SP110: variants seen among roughly 807,000 people sequenced by gnomAD.
SP110 encodes interferon-induced protein 41, 30kD.
Under a neutral mutation model 92.7 loss-of-function variants are expected in SP110, and 62 were observed. The observed-to-expected ratio is 0.67, with a 90% confidence interval of 0.55 to 0.83. The LOEUF (loss-of-function observed/expected upper bound fraction) is 0.83. Among genes scored for constraint, SP110 ranks in the 40% least tolerant of loss-of-function variants. SP110 has a pLI of 0.00. For synonymous variants in SP110, 273 were observed against 305.3 expected, an observed-to-expected ratio of 0.89 and a Z score of 1.10; for missense variants, 793 against 863.9, an observed-to-expected ratio of 0.92 and a Z score of 1.03.
intron 18 of SP110, 47 bp downstream of exon 18, chr2:230,170,574 G>C: frequency 6.2e-7 from 1 of 1,610,364 alleles, no homozygotes; most frequent in Middle Eastern, 1.7e-4. Flanking sequence ...CCAGAAATTA[G>C]GGGAAAGTAG....
chr2:230,189,006 G>C (rs10177277), intron 10 of SP110, among the ~76,000 whole-genome samples: 116,558 of 151,994 alleles, frequency 0.77, 44,793 homozygotes, highest in Admixed American at 0.83. Flanking sequence ...GGTGTTCATA[G>C]TAGTCCTGAA....
chr2:230,220,411 C>A (rs1307270959), upstream of SP110, among the ~76,000 whole-genome samples: 2 of 151,986 alleles, frequency 1.3e-5, no homozygotes, highest in Non-Finnish European at 2.9e-5. Flanking sequence ...TCTAACAACA[C>A]ACAAAAAAAC....
intron 11 of SP110, 85 bp from the exon 12 acceptor site, chr2:230,183,725 T>C (rs1242043645): frequency 3.2e-6 from 3 of 932,450 alleles, no homozygotes; most frequent in South Asian, 2.6e-5. Context: ...CATTTTTTCC[T>C]GTTTTTCTAC....
rs1423064794 is a variant in SP110 at position 230,165,892 on chromosome 2, T to C, written c.*3232A>G. ...TATGACAGAAATAAGACCACCTATA[T>C]AACTTTTTTTTTTTTTTTTGAAACA... On this transcript the variant is annotated 3_prime_UTR_variant, in exon 19 of 19. Coordinates refer to ENST00000258381, the MANE Select transcript of SP110 (RefSeq NM_080424.4). Among the ~76,000 whole-genome samples the C allele has an allele frequency of 1.8e-5, 2 of 110,862 alleles. No homozygotes were observed. Among genetic ancestry groups the C allele is most frequent in the Non-Finnish European group, 3.7e-5 (2 of 53,616 alleles). The allele number at this position is 110,862 out of a possible 152,430, so 72.7% of individuals were successfully genotyped here.
At chr2:230,170,867 T>A in intron 17 of SP110, 106 bp from the exon 18 acceptor site, 1 of 1,187,318 alleles carries the variant, frequency 8.4e-7, no homozygotes, top group South Asian at 1.3e-5. Flanking sequence ...ATAATGATAA[T>A]ACCATTTGAC....
At chr2:230,177,434 T>C (rs2041915628) in intron 14 of SP110, 104 bp downstream of exon 14, 11 of 1,198,952 alleles carry the variant, frequency 9.2e-6, no homozygotes, top group Non-Finnish European at 1.2e-5. Flanking sequence ...TTATAAATCA[T>C]GCTGTTGAAT....
At chr2:230,210,564 A>G (rs1292454301) in intron 6 of SP110, among the ~76,000 whole-genome samples, 1 of 152,244 alleles carries the variant, frequency 6.6e-6, no homozygotes, top group African/African-American at 2.4e-5. Context: ...AATGCCTTAT[A>G]TATTTCTGTA....
At chr2:230,187,157 A>G (rs746456791) in intron 10 of SP110, among the ~76,000 whole-genome samples, 4 of 152,136 alleles carry the variant, frequency 2.6e-5, no homozygotes, top group Non-Finnish European at 5.9e-5. Context: ...CGTCCATGTT[A>G]ACATCTATTT....
At chr2:230,171,494 C>T in intron 17 of SP110, 1 of 614,308 alleles carries the variant, frequency 1.6e-6, no homozygotes, top group Non-Finnish European at 2.9e-6. Flanking sequence ...ATCCCAGAGC[C>T]CGTGAGCAGT....
intron 11 of SP110, among the ~76,000 whole-genome samples, chr2:230,184,098 G>A (rs573898392): frequency 3.9e-5 from 6 of 152,302 alleles, no homozygotes; most frequent in East Asian, 3.9e-4. Context: ...GGGATGATTC[G>A]CATCCCCGAG....
At position 230,168,853 on chromosome 2, in the gene SP110, C is replaced by T. The variant is rs41309120; in HGVS notation, c.*271G>A. 440 of 364,766 alleles carry T rather than the reference C, an allele frequency of 1.2e-3. No homozygotes were observed. The highest frequency in any genetic ancestry group is 1.9e-3 in the Non-Finnish European group (369 of 193,796). 22.6% of individuals were successfully genotyped at this position (364,766 alleles called of 1,614,324 possible). Reference sequence around the variant, plus strand: ...TTTGAACAAATCAACTCTAAAAAGACTTATGAGACAGTGGGGAGAATGTGA... The same window carrying T: ...TTTGAACAAATCAACTCTAAAAAGATTTATGAGACAGTGGGGAGAATGTGA... On this transcript the variant is annotated 3_prime_UTR_variant, in exon 19 of 19. Transcript: ENST00000258381.
chr2:230,207,915 A>G, intron 8 of SP110, 76 bp downstream of exon 8: 1 of 743,120 alleles, frequency 1.3e-6, no homozygotes, highest in Non-Finnish European at 2.4e-6. Flanking sequence ...ATAAAATTCA[A>G]CCCTCCACAG....
upstream of SP110, chr2:230,221,649 G>T: frequency 1.3e-6 from 2 of 1,481,494 alleles, no homozygotes; most frequent in South Asian, 2.4e-5. Context: ...TGATGCAGGG[G>T]ATGGCGGTGG....
chr2:230,169,286 G>T, intron 18 of SP110, 49 bp from the exon 19 acceptor site: 2 of 1,043,656 alleles, frequency 1.9e-6, no homozygotes, highest in Non-Finnish European at 3.0e-6. Flanking sequence ...AAGGATTACA[G>T]CCATCAAATC....
chr2:230,170,198 G>T (rs1373918602), intron 18 of SP110, among the ~76,000 whole-genome samples: 1 of 152,170 alleles, frequency 6.6e-6, no homozygotes, highest in Non-Finnish European at 1.5e-5. Flanking sequence ...AGAAATTTAT[G>T]TGTAAAAATA....
intron 10 of SP110, among the ~76,000 whole-genome samples, chr2:230,188,992 T>C (rs1210718641): frequency 6.6e-6 from 1 of 152,186 alleles, no homozygotes; most frequent in Non-Finnish European, 1.5e-5. Flanking sequence ...TTTTTGTGCA[T>C]AGAGGTGTTC....
At chr2:230,216,401 G>A (rs2045179041) in intron 2 of SP110, among the ~76,000 whole-genome samples, 1 of 152,152 alleles carries the variant, frequency 6.6e-6, no homozygotes, top group Non-Finnish European at 1.5e-5. Flanking sequence ...ACAAGGCAAG[G>A]AACACTAAGG....
intron 15 of SP110, chr2:230,172,573 C>T: frequency 1.9e-6 from 1 of 536,928 alleles, no homozygotes; most frequent in East Asian, 3.2e-5. Flanking sequence ...TCAACAGGCA[C>T]AGAACATAAG....
chr2:230,169,313 G>GTGTTTT (rs2078371458), intron 18 of SP110, 76 bp from the exon 19 acceptor site: 1 of 938,810 alleles, frequency 1.1e-6, no homozygotes, highest in African/African-American at 1.6e-5. Context: ...ACTTTTTTTT[G>GTGTTTT]TGTTTTTGTT....
Sources: allele counts gnomAD v4.1 joint callset (sites outside exome capture counted in the v4.1 genomes callset), GRCh38; gene constraint gnomAD v4.1.1; transcripts MANE v1.5; gene names NCBI Gene and HGNC (gene_info 2026-07-23, HGNC 2026-07-21).